Variants in SLIT1 observed in about 807,000 individuals in gnomAD.
The protein encoded by SLIT1 is slit homolog 1 protein.
In SLIT1, 66 loss-of-function variants were observed where a neutral mutation model predicts 186.1. The ratio of observed to expected loss-of-function variants is 0.35; its 90% CI spans 0.29 to 0.44. The LOEUF (loss-of-function observed/expected upper bound fraction) is 0.44. Ranked by LOEUF, SLIT1 falls within the 20% of genes least tolerant of loss-of-function variation. SLIT1 has a pLI of 1.00. For missense variants in SLIT1, 1,638 were observed against 2,037.4 expected (o/e 0.80, Z 3.77); for synonymous variants, 761 against 833.8 (o/e 0.91, Z 1.50).
intron 4 of SLIT1, among the ~76,000 whole-genome samples, chr10:97,099,797 G>A (rs1050941613): frequency 9.9e-5 from 15 of 152,270 alleles, no homozygotes; most frequent in African/African-American, 3.4e-4. Context: ...CAGTGCCCCC[G>A]CAGTGTCTGG....
At chr10:97,082,024 C>A (rs1395398272) in intron 4 of SLIT1, among the ~76,000 whole-genome samples, 13 of 152,242 alleles carry the variant, frequency 8.5e-5, no homozygotes, top group Admixed American at 7.8e-4. Flanking sequence ...CCTCTATGAG[C>A]CTCAAGGGAC....
rs1328897089 is a variant in SLIT1, at chr10:96,998,390, T to TGACA, written c.*2718_*2721dup. On this transcript the variant is annotated 3_prime_UTR_variant, in exon 37 of 37. Transcript: ENST00000266058. ...ACAAAGTCCAGCCTTTTCCACTTCC[T>TGACA]GACACCTTCACCGGGAGCCCCGGCC... is the stretch of plus-strand genomic sequence containing the variant. 1 of 152,274 alleles carries TGACA rather than the reference T, an allele frequency of 6.6e-6. No individual in the cohort carries two copies. Among genetic ancestry groups the TGACA allele is most frequent in the African/African-American group, 2.4e-5 (1 of 41,466 alleles). 9.4% of individuals were successfully genotyped at this position (152,274 alleles called of 1,614,324 possible). A position where few individuals can be genotyped will look rare whatever the true frequency, so the allele number is the denominator to read the frequency against.
intron 28 of SLIT1, among the ~76,000 whole-genome samples, chr10:97,016,556 T>G (rs1848456631): frequency 6.6e-6 from 1 of 152,130 alleles, no homozygotes; most frequent in Non-Finnish European, 1.5e-5. Context: ...CCATTACACC[T>G]GGTTAATTTT....
intron 4 of SLIT1, among the ~76,000 whole-genome samples, chr10:97,141,495 G>T (rs935079060): frequency 1.3e-5 from 2 of 152,066 alleles, no homozygotes; most frequent in Non-Finnish European, 2.9e-5. Context: ...AAGCACACGC[G>T]ATAAAACAGA....
rs181412340 is a variant in SLIT1, at chr10:97,166,088, C to T, written c.198-1198G>A. Among the ~76,000 whole-genome samples, 567 of 152,240 alleles carry T rather than the reference C, an allele frequency of 3.7e-3. 1 individual carries two copies. The highest frequency in any genetic ancestry group is 6.0e-3 in the Non-Finnish European group (411 of 68,012). The stretch of plus-strand genomic sequence containing the variant: ...TCACACTGTTATGCTCACACACTCA[C>T]GCCCCATGTTCACCTGCAGCCCAGT... On this transcript the variant is annotated intron_variant, in intron 1 of 36. Transcript: ENST00000266058.
intron 28 of SLIT1, 138 bp downstream of exon 28, chr10:97,018,448 C>G: frequency 1.0e-5 from 6 of 587,704 alleles, no homozygotes; most frequent in Non-Finnish European, 1.8e-5. Context: ...GGAGTACATG[C>G]CTGCCCCCGA....
chr10:97,106,525 G>C (rs772178548), intron 4 of SLIT1, among the ~76,000 whole-genome samples: 1 of 152,192 alleles, frequency 6.6e-6, no homozygotes, highest in African/African-American at 2.4e-5. Flanking sequence ...TCGGTACTTA[G>C]TGTTTATTGC....
chr10:97,006,507 C>A lies in SLIT1; in HGVS notation c.3555G>T (p.Trp1185Cys), dbSNP rs1848360895. The change falls in exon 32 of 37, where the codon TGG (tryptophan) becomes TGT (cysteine). Residue 1185 changes from tryptophan to cysteine, a missense_variant. Coordinates refer to ENST00000266058, the MANE Select transcript of SLIT1 (RefSeq NM_003061.3). This position sits in a 1 kb window ranked among gnomAD's most constrained non-coding sequence, Gnocchi z 4.0. ...TYLQFTDLQN[W>C]PRANITLQVS... is the part of the protein sequence containing the mutation. ...CCTGCAACGTGATGTTGGCCCGTGG[C>A]CAGTTTTGCAGGTCAGTGAACTGCA... The A allele has an allele frequency of 1.2e-6, 2 of 1,613,962 alleles. No individual in the cohort carries two copies. Among genetic ancestry groups the A allele is most frequent in the East Asian group, 2.2e-5 (1 of 44,874 alleles).
At chr10:97,065,137 T>TACACACAC (rs55991572) in intron 5 of SLIT1, among the ~76,000 whole-genome samples, 5 of 150,838 alleles carry the variant, frequency 3.3e-5, no homozygotes, top group African/African-American at 1.2e-4. Context: ...GGCACCCCCC[T>TACACACAC]ACACACACAC....
Position 97,095,111 on chromosome 10 carries a change from C to T in SLIT1, c.414-29025G>A, listed in dbSNP as rs528327138. On this transcript the variant is annotated intron_variant, in intron 4 of 36. Coordinates refer to ENST00000266058, the MANE Select transcript of SLIT1 (RefSeq NM_003061.3). ...CAGCCTGGCCAACATAGTGAAACCC[C>T]GTCTCTACTGAAAATACAAAAGTTA... Among the ~76,000 whole-genome samples, 6 of 152,182 alleles carry T rather than the reference C, an allele frequency of 3.9e-5. No homozygotes were observed. In the East Asian group the frequency reaches 1.2e-3, roughly 29 times the overall value.
chr10:97,063,445 C>T lies in SLIT1; in HGVS notation c.793+10G>A, dbSNP rs373612418. 1.1e-5 allele frequency: 18 copies of T among 1,612,240 alleles called. No individual in the cohort carries two copies. The highest frequency in any genetic ancestry group is 1.2e-5 in the Non-Finnish European group (14 of 1,179,846). On this transcript the variant is annotated intron_variant, in intron 8 of 36. Transcript: ENST00000266058. The stretch of plus-strand genomic sequence containing the variant: ...GGACAGTTGAGAGCCCGGCAGGGGT[C>T]TGCACCCACCTGAGCAGCTGAACTC...
At chr10:97,179,807 C>CT (rs545735736) in intron 1 of SLIT1, among the ~76,000 whole-genome samples, 37 of 150,758 alleles carry the variant, frequency 2.5e-4, no homozygotes, top group South Asian at 8.6e-4. Context: ...CCCTCCCCGC[C>CT]CCCCGGCACA....
At chr10:97,059,575 C>A (rs1310003334) in intron 10 of SLIT1, 44 bp from the exon 11 acceptor site, 2 of 1,488,724 alleles carry the variant, frequency 1.3e-6, no homozygotes, top group Non-Finnish European at 1.9e-6. Flanking sequence ...AATCCCTCAA[C>A]AGCCACTAAG....
At chr10:97,059,557 G>GA (rs747133424) in intron 10 of SLIT1, 26 bp from the exon 11 acceptor site, 1 of 1,597,624 alleles carries the variant, frequency 6.3e-7, no homozygotes, top group African/African-American at 1.3e-5. Context: ...AAGGAGAGGG[G>GA]GCATCTGAAT....
chr10:97,037,235 C>T (rs1848648669), intron 22 of SLIT1, among the ~76,000 whole-genome samples: 2 of 152,062 alleles, frequency 1.3e-5, no homozygotes, highest in East Asian at 1.9e-4. Context: ...GCTGGGATTA[C>T]AGGCATGTGC....
At chr10:97,060,417 C>A (rs1019802322) in intron 9 of SLIT1, among the ~76,000 whole-genome samples, 1 of 152,254 alleles carries the variant, frequency 6.6e-6, no homozygotes, top group Non-Finnish European at 1.5e-5. Context: ...CAGACTCACG[C>A]AGCTGGGTGG....
chr10:97,172,910 G>C (rs1468829155), intron 1 of SLIT1, among the ~76,000 whole-genome samples: 1 of 136,816 alleles, frequency 7.3e-6, no homozygotes, highest in Non-Finnish European at 1.6e-5. Context: ...AAGAAAAACA[G>C]AAAGAAAGAG....
In SLIT1 at chr10:97,031,579, G is replaced by A. The variant is rs757893420; in HGVS notation, c.2510+27C>T. The A allele has an allele frequency of 1.3e-5, 20 of 1,540,978 alleles. No homozygotes were observed. In the South Asian group the frequency reaches 1.3e-4, roughly 10 times the overall value. On this transcript the variant is annotated intron_variant, in intron 24 of 36. Transcript: ENST00000266058. ...GGACCCTCAGTGGGGTGGATTTTCTGGCAGGATGGTGAGTGAGGAGACTTA... is the reference window on the plus strand; with the variant it reads ...GGACCCTCAGTGGGGTGGATTTTCTAGCAGGATGGTGAGTGAGGAGACTTA...
intron 4 of SLIT1, among the ~76,000 whole-genome samples, chr10:97,149,631 G>A (rs1849854640): frequency 6.6e-6 from 1 of 152,062 alleles, no homozygotes; most frequent in African/African-American, 2.4e-5. Context: ...CTCTGAGTGT[G>A]ACCCTGGGAA....
Sources: gnomAD v4.1 joint callset for allele counts (sites outside exome capture counted in the v4.1 genomes callset) on GRCh38, gnomAD v4.1.1 for gene constraint, Gnocchi (gnomAD v3.1) non-coding constraint, MANE v1.5 for transcripts, NCBI Gene and HGNC (gene_info 2026-07-23, HGNC 2026-07-21) for gene names.